Variants in CSMD3 observed in about 807,000 individuals in gnomAD.
CSMD3 encodes CUB and Sushi multiple domains 3.
CSMD3 carries 177 observed loss-of-function variants against 435.2 expected under a neutral mutation model. That is an observed-to-expected ratio of 0.41 (90% confidence interval 0.36 to 0.46). The LOEUF is 0.46. Ranked by LOEUF, CSMD3 falls within the 20% of genes least tolerant of loss-of-function variation. The probability of loss-of-function intolerance (pLI) is 0.34; values close to 1 mark genes in which losing one functional copy is unlikely to be tolerated. For synonymous variants in CSMD3, 1,656 were observed against 1,520.5 expected, an observed-to-expected ratio of 1.09 and a Z score of -2.07; for missense variants, 4,265 against 4,504.6, an observed-to-expected ratio of 0.95 and a Z score of 1.52.
chr8:113,011,975 A>C (rs2086271000), intron 6 of CSMD3, among the ~76,000 whole-genome samples: 1 of 151,816 alleles, frequency 6.6e-6, no homozygotes, highest in Non-Finnish European at 1.5e-5. Flanking sequence ...TCACAACAAA[A>C]ATTGTTTTAA....
intron 3 of CSMD3, among the ~76,000 whole-genome samples, chr8:113,253,672 T>C (rs753631054): frequency 3.8e-4 from 57 of 151,740 alleles, no homozygotes; most frequent in South Asian, 4.2e-4. Flanking sequence ...AAACCCCGTC[T>C]ATACTAAAAA....
chr8:112,391,459 A>G (rs1417412074), intron 35 of CSMD3, among the ~76,000 whole-genome samples: 1 of 152,102 alleles, frequency 6.6e-6, no homozygotes, highest in Non-Finnish European at 1.5e-5. Context: ...CCACTTTGGG[A>G]GGCTGAGGAG....
intron 16 of CSMD3, among the ~76,000 whole-genome samples, chr8:112,680,720 G>A (rs2075869996): frequency 6.6e-6 from 1 of 152,054 alleles, no homozygotes; most frequent in Non-Finnish European, 1.5e-5. Flanking sequence ...AATTGAAGGG[G>A]CCACTAGGAA....
At chr8:112,660,450 T>C (rs1417895158) in intron 17 of CSMD3, among the ~76,000 whole-genome samples, 1 of 152,152 alleles carries the variant, frequency 6.6e-6, no homozygotes, top group Non-Finnish European at 1.5e-5. Flanking sequence ...AAGATGTAGA[T>C]TATTAAAAGA....
chr8:113,005,906 A>ATC (rs2086039335), intron 6 of CSMD3, among the ~76,000 whole-genome samples: 2 of 152,034 alleles, frequency 1.3e-5, no homozygotes, highest in Non-Finnish European at 2.9e-5. Flanking sequence ...TTTGCCTGAT[A>ATC]ACAAGATTTA....
intron 3 of CSMD3, among the ~76,000 whole-genome samples, chr8:113,248,567 A>C (rs571207622): frequency 1.8e-4 from 26 of 147,760 alleles, no homozygotes; most frequent in Non-Finnish European, 3.9e-4. Context: ...CATGTGGAGG[A>C]AATAAATTGT....
intron 4 of CSMD3, among the ~76,000 whole-genome samples, chr8:113,113,118 A>T (rs1280897497): frequency 6.6e-6 from 1 of 152,178 alleles, no homozygotes. Flanking sequence ...GGAGCCAGAG[A>T]TGCTGGCCAC....
intron 10 of CSMD3, among the ~76,000 whole-genome samples, chr8:112,890,348 T>G (rs1037480073): frequency 1.3e-5 from 2 of 151,738 alleles, no homozygotes. Flanking sequence ...GAAAAAAGTC[T>G]TGATATGAGG....
In CSMD3 at chr8:112,975,781, C is replaced by T. The variant is rs932209399; in HGVS notation, c.1342+56G>A. On this transcript the variant is annotated intron_variant, in intron 7 of 70. Coordinates refer to ENST00000297405, the MANE Select transcript of CSMD3 (RefSeq NM_198123.2). Reference sequence around the variant, plus strand: ...GCTCATTCTCTAATTAGAATCATTACCAAAATATAGCTTTGGCTGTAACTA... The same window carrying T: ...GCTCATTCTCTAATTAGAATCATTATCAAAATATAGCTTTGGCTGTAACTA... The T allele has an allele frequency of 5.6e-6, 9 of 1,610,220 alleles. No individual in the cohort carries two copies. In the African/African-American group the frequency reaches 9.4e-5, roughly 17 times the overall value.
chr8:112,260,479 T>C (rs1816275365), intron 61 of CSMD3, among the ~76,000 whole-genome samples: 1 of 152,192 alleles, frequency 6.6e-6, no homozygotes, highest in African/African-American at 2.4e-5. Context: ...AAAGATAGCG[T>C]TATTACATTT....
chr8:112,606,453 A>C (rs1293118649), intron 22 of CSMD3, among the ~76,000 whole-genome samples: 1 of 152,178 alleles, frequency 6.6e-6, no homozygotes, highest in Non-Finnish European at 1.5e-5. Context: ...CTACCATGAG[A>C]TGTATGGGAT....
intron 59 of CSMD3, among the ~76,000 whole-genome samples, chr8:112,268,764 AAC>A (rs1453316423): frequency 1.3e-5 from 2 of 152,166 alleles, no homozygotes; most frequent in African/African-American, 4.8e-5. Flanking sequence ...TCAAGCCCAG[AAC>A]AGAGTTCTAC....
intron 41 of CSMD3, among the ~76,000 whole-genome samples, chr8:112,343,405 T>C (rs1486554167): frequency 6.6e-6 from 1 of 152,126 alleles, no homozygotes; most frequent in Non-Finnish European, 1.5e-5. Context: ...TTCCACATTT[T>C]AGCCAAAATG....
chr8:112,410,044 C>A (rs1832194216), intron 32 of CSMD3, among the ~76,000 whole-genome samples: 1 of 151,798 alleles, frequency 6.6e-6, no homozygotes, highest in Non-Finnish European at 1.5e-5. Context: ...AATGCTGATT[C>A]AAATTGTATA....
chr8:112,331,798 A>G (rs1002614767), intron 45 of CSMD3, among the ~76,000 whole-genome samples: 10 of 152,066 alleles, frequency 6.6e-5, no homozygotes, highest in African/African-American at 2.4e-4. Flanking sequence ...TTCAAAGATT[A>G]GGCATACTCA....
chr8:113,112,454 TACACACACACACACACACGTACACAC>T (rs1322140680), intron 4 of CSMD3, among the ~76,000 whole-genome samples: 2 of 45,340 alleles, frequency 4.4e-5, no homozygotes, highest in Admixed American at 3.1e-4. Flanking sequence ...TATATGTATA[TACACACACACACACACACGTACACAC>T]ACACACACAC....
At chr8:112,984,819 C>G (rs1218262279) in intron 6 of CSMD3, among the ~76,000 whole-genome samples, 1 of 152,008 alleles carries the variant, frequency 6.6e-6, no homozygotes, top group African/African-American at 2.4e-5. Context: ...TTCTAATACC[C>G]TACTTTTTCT....
At chr8:112,929,868 CAG>C (rs1564116586) in intron 9 of CSMD3, among the ~76,000 whole-genome samples, 1 of 151,766 alleles carries the variant, frequency 6.6e-6, no homozygotes, top group Non-Finnish European at 1.5e-5. Context: ...TTTTCTGTGA[CAG>C]AAATGTTTTT....
chr8:112,787,476 T>C (rs1317909110), intron 13 of CSMD3, among the ~76,000 whole-genome samples: 1 of 152,104 alleles, frequency 6.6e-6, no homozygotes, highest in Non-Finnish European at 1.5e-5. Flanking sequence ...ATTTAAGATA[T>C]ATCTGCACTC....
Sources: gnomAD v4.1 joint callset for allele counts (sites outside exome capture counted in the v4.1 genomes callset) on GRCh38, gnomAD v4.1.1 for gene constraint, MANE v1.5 for transcripts, NCBI Gene and HGNC (gene_info 2026-07-23, HGNC 2026-07-21) for gene names.